The following ARID3A variants were observed in gnomAD, a reference collection of about 807,000 sequenced individuals.
The protein encoded by ARID3A is AT-rich interaction domain 3A, also known as AT-rich interactive domain-containing protein 3A.
ARID3A carries 11 observed loss-of-function variants against 52.7 expected under a neutral mutation model. The observed-to-expected ratio is 0.21, with a 90% CI of 0.13 to 0.35. The LOEUF (loss-of-function observed/expected upper bound fraction) is 0.35. Ranked by LOEUF, ARID3A falls within the 10% of genes least tolerant of loss-of-function variation. The probability of loss-of-function intolerance (pLI) is 1.00; values close to 1 mark genes in which losing one functional copy is unlikely to be tolerated. For missense variants in ARID3A, 721 were observed against 838.5 expected (o/e 0.86, Z 1.73); for synonymous variants, 404 against 359.4 (o/e 1.12, Z -1.40).
intron 3 of ARID3A, among the ~76,000 whole-genome samples, chr19:952,653 T>C (rs2037826214): frequency 6.6e-6 from 1 of 152,144 alleles, no homozygotes; most frequent in Admixed American, 6.5e-5. Context: ...GGGCTGCAGC[T>C]GACCAGGTGC....
At chr19:935,144 T>A (rs988380728) in intron 3 of ARID3A, among the ~76,000 whole-genome samples, 2 of 152,218 alleles carry the variant, frequency 1.3e-5, no homozygotes. Flanking sequence ...TGGCACCGTC[T>A]CTGCCTCTTC....
intron 3 of ARID3A, among the ~76,000 whole-genome samples, chr19:957,077 C>T (rs1025561227): frequency 2.0e-5 from 3 of 149,544 alleles, no homozygotes; most frequent in Admixed American, 6.7e-5. Context: ...TTATCCCTGC[C>T]GGCTTTCCCC....
chr19:953,291 A>C (rs1599409825), intron 3 of ARID3A, among the ~76,000 whole-genome samples: 1 of 152,078 alleles, frequency 6.6e-6, no homozygotes, highest in Non-Finnish European at 1.5e-5. Context: ...TTTCGCCACA[A>C]ACAAGAATTT....
intron 3 of ARID3A, among the ~76,000 whole-genome samples, chr19:945,163 G>A (rs2037651094): frequency 6.6e-6 from 1 of 152,224 alleles, no homozygotes; most frequent in South Asian, 2.1e-4. Flanking sequence ...GCCACCTGGG[G>A]GGAGAGAGCC....
At position 932,591 on chromosome 19, in the gene ARID3A, A is replaced by G; in HGVS notation, c.542A>G (p.Gln181Arg). 6.6e-7 allele frequency: 1 copy of G among 1,516,142 alleles called. No homozygotes were observed. Among genetic ancestry groups the G allele is most frequent in the South Asian group, 1.2e-5 (1 of 80,012 alleles). 93.9% of individuals were successfully genotyped at this position (1,516,142 alleles called of 1,614,324 possible). ...TTCCCCCGAAAGGCCCAGCCACCCCAGGCCTTCCGCGGCGATGGCGTTCCC... is the reference window on the plus strand; with the variant it reads ...TTCCCCCGAAAGGCCCAGCCACCCCGGGCCTTCCGCGGCGATGGCGTTCCC... ...ALFPRKAQPP[Q>R]AFRGDGVPRV... is the part of the protein sequence containing the mutation. Residue 181 changes from glutamine to arginine, a missense_variant, in exon 3 of 9, where the codon CAG becomes CGG. Gln to Arg is a conservative substitution (Grantham distance 43). Around this residue, in one of 5 missense-constraint regions of ARID3A, gnomAD observed 349 missense variants for 297.3 expected, o/e 1.17. Coordinates refer to ENST00000263620, the MANE Select transcript of ARID3A (RefSeq NM_005224.3).
At chr19:931,458 A>AG (rs2037325827) in intron 2 of ARID3A, among the ~76,000 whole-genome samples, 3 of 149,590 alleles carry the variant, frequency 2.0e-5, no homozygotes, top group Admixed American at 1.3e-4. Flanking sequence ...TCTCAAAAAA[A>AG]AAAAAAAAAC....
intron 3 of ARID3A, among the ~76,000 whole-genome samples, chr19:939,204 C>T (rs1199477571): frequency 6.6e-6 from 1 of 151,422 alleles, no homozygotes; most frequent in African/African-American, 2.4e-5. Context: ...CTGCAACCTC[C>T]GCCTCTCGGG....
Position 929,675 on chromosome 19 carries a change from C to T in ARID3A, c.147C>T (p.Pro49=), listed in dbSNP as rs558683351. The T allele has an allele frequency of 1.3e-4, 203 of 1,555,188 alleles. No homozygotes were observed. The highest frequency in any genetic ancestry group is 3.6e-4 in the Admixed American group (19 of 53,130). Residue 49 remains proline, a synonymous_variant, in exon 2 of 9, where the codon CCC becomes CCT. Transcript: ENST00000263620. This position sits in a 1 kb window ranked among gnomAD's most constrained non-coding sequence, Gnocchi z 6.2. ...CTGCCCCCGACGAGGACAGAGAGCC[C>T]GAGAGTGCCCGGATGCAGCGGGCTC... ...ARAAPDEDRE[P]ESARMQRAQM... is the part of the protein sequence containing the mutation.
chr19:941,975 G>A lies in ARID3A; in HGVS notation c.693+9233G>A, dbSNP rs1219060658. 1.3e-5 allele frequency among the ~76,000 whole-genome samples: 2 copies of A among 152,208 alleles called. No homozygotes were observed. The highest frequency in any genetic ancestry group is 3.2e-3 in the Middle Eastern group (1 of 316). On this transcript the variant is annotated intron_variant, in intron 3 of 8. Coordinates refer to ENST00000263620, the MANE Select transcript of ARID3A (RefSeq NM_005224.3). This position sits in a 1 kb window ranked among gnomAD's most constrained non-coding sequence, Gnocchi z 6.9. ...CCTCGTGCTGGACCCTGAAGCATGA[G>A]GTCGCGGTGGGGCCTATTAACCATT...
At chr19:945,532 G>A (rs377257368) in intron 3 of ARID3A, among the ~76,000 whole-genome samples, 2 of 152,330 alleles carry the variant, frequency 1.3e-5, no homozygotes, top group East Asian at 3.9e-4. Context: ...CTCCTCCGAG[G>A]CTGCTGCCCA....
intron 1 of ARID3A, among the ~76,000 whole-genome samples, chr19:927,334 G>A (rs1274604447): frequency 2.9e-5 from 4 of 136,024 alleles, no homozygotes; most frequent in East Asian, 2.2e-4. Flanking sequence ...GTCTGAAGGG[G>A]GTGGGCGTAG....
intron 3 of ARID3A, among the ~76,000 whole-genome samples, chr19:937,699 CTTTTTTTT>C (rs951435776): frequency 9.9e-5 from 9 of 90,796 alleles, no homozygotes; most frequent in African/African-American, 4.3e-4. Context: ...TTATTGTCGA[CTTTTTTTT>C]TTTTTTTTTT....
rs371678543 is a variant in ARID3A at position 936,637 on chromosome 19, T to TC, written c.693+3896dup. ...GCAGGCGGATCACGAGGTCAGGAGA[T>TC]CGAGACCATCCTGGCTAACACGGTG... On this transcript the variant is annotated intron_variant, in intron 3 of 8. Coordinates refer to ENST00000263620, the MANE Select transcript of ARID3A (RefSeq NM_005224.3). Among the ~76,000 whole-genome samples, 798 of 151,942 alleles carry TC rather than the reference T, an allele frequency of 5.3e-3. 2 individuals carry two copies. The highest frequency in any genetic ancestry group is 8.5e-3 in the Non-Finnish European group (576 of 67,966).
In ARID3A at chr19:938,033, G is replaced by A. The variant is rs566548939; in HGVS notation, c.693+5291G>A. Among the ~76,000 whole-genome samples the A allele has an allele frequency of 5.9e-5, 9 of 151,600 alleles. 1 individual carries two copies. In the South Asian group the frequency reaches 1.0e-3, roughly 18 times the overall value. Reference sequence around the variant, plus strand: ...AATTTTTTGTATTTTTAGTAGAGACGGGGTTTCACCGTGTTGGGCAGGGTG... The same window carrying A: ...AATTTTTTGTATTTTTAGTAGAGACAGGGTTTCACCGTGTTGGGCAGGGTG... On this transcript the variant is annotated intron_variant, in intron 3 of 8. Transcript: ENST00000263620. The surrounding 1 kb of genome is among the most constrained non-coding windows in gnomAD (Gnocchi z 4.0).
intron 3 of ARID3A, among the ~76,000 whole-genome samples, chr19:937,677 C>T (rs1016940987): frequency 6.6e-6 from 1 of 150,708 alleles, no homozygotes; most frequent in East Asian, 1.9e-4. Flanking sequence ...TCCTCTACAT[C>T]CTCACCACTT....
At chr19:956,319 G>A (rs1378466604) in intron 3 of ARID3A, among the ~76,000 whole-genome samples, 1 of 152,130 alleles carries the variant, frequency 6.6e-6, no homozygotes, top group African/African-American at 2.4e-5. Context: ...CAAGGTTCAA[G>A]TAACGAGCAT....
chr19:956,877 C>T (rs2037929335), intron 3 of ARID3A, among the ~76,000 whole-genome samples: 1 of 152,228 alleles, frequency 6.6e-6, no homozygotes, highest in Non-Finnish European at 1.5e-5. Flanking sequence ...GATGTCCCCG[C>T]AGCAGCAGGG....
In ARID3A at chr19:975,028, C is replaced by T. The variant is rs570728382; in HGVS notation, c.*2963C>T. 4 of 232,520 alleles carry T rather than the reference C, an allele frequency of 1.7e-5. No homozygotes were observed. The highest frequency in any genetic ancestry group is 8.8e-5 in the African/African-American group (4 of 45,412). The allele number at this position is 232,520 out of a possible 1,614,324, so 14.4% of individuals were successfully genotyped here. A position where few individuals can be genotyped will look rare whatever the true frequency, so the allele number is the denominator to read the frequency against. On this transcript the variant is annotated 3_prime_UTR_variant, in exon 9 of 9. Coordinates refer to ENST00000263620, the MANE Select transcript of ARID3A (RefSeq NM_005224.3). ...AAGCCGTGTCTGCAGAGGCTCCTCC[C>T]TGCCTCAGGTGGCCCCGTTCAACCC...
At chr19:931,664 T>G (rs1189469588) in intron 2 of ARID3A, among the ~76,000 whole-genome samples, 2 of 151,142 alleles carry the variant, frequency 1.3e-5, no homozygotes, top group East Asian at 2.0e-4. Flanking sequence ...TACAAAAAAA[T>G]TAGCCAGGCG....
Sources: gnomAD v4.1 joint callset for allele counts (sites outside exome capture counted in the v4.1 genomes callset) on GRCh38, gnomAD v4.1.1 for gene constraint, gnomAD v4.1.1 regional missense constraint, Gnocchi (gnomAD v3.1) non-coding constraint, MANE v1.5 for transcripts, NCBI Gene and HGNC (gene_info 2026-07-23, HGNC 2026-07-21) for gene names.